CD4: variants seen among roughly 807,000 people sequenced by gnomAD.
CD4 encodes the protein CD4 molecule.
A neutral mutation model predicts 50.5 loss-of-function variants in CD4; 25 were observed. The ratio of observed to expected loss-of-function variants is 0.49; its 90% CI spans 0.36 to 0.69. The LOEUF is 0.69. Ranked by LOEUF, CD4 falls within the 30% of genes least tolerant of loss-of-function variation. The pLI is 0.00. For synonymous variants in CD4, 207 were observed against 221.9 expected, an observed-to-expected ratio of 0.93 and a Z score of 0.60; for missense variants, 456 against 548.5, an observed-to-expected ratio of 0.83 and a Z score of 1.68.
rs2137827174 is a variant in CD4 at position 6,792,077 on chromosome 12, AG to A, written c.-68+2419del. 1.3e-5 allele frequency among the ~76,000 whole-genome samples: 2 copies of A among 152,228 alleles called. No homozygotes were observed. The highest frequency in any genetic ancestry group is 4.8e-5 in the African/African-American group (2 of 41,542). ...GCCACCAACCACAAGAGTTCCTTAGAGGGGTCACAGTCTCTAGGAAGTTTAT... is the reference window on the plus strand; with the variant it reads ...GCCACCAACCACAAGAGTTCCTTAGAGGGTCACAGTCTCTAGGAAGTTTAT... On this transcript the variant is annotated intron_variant, in intron 1 of 9. Transcript: ENST00000011653. This position sits in a 1 kb window ranked among gnomAD's most constrained non-coding sequence, Gnocchi z 4.1.
In CD4 at chr12:6,816,709, CCTGT is replaced by C. The variant is rs1943091967; in HGVS notation, c.955+309_955+312del. On this transcript the variant is annotated intron_variant, in intron 6 of 9. Coordinates refer to ENST00000011653, the MANE Select transcript of CD4 (RefSeq NM_000616.5). The surrounding 1 kb of genome is among the most constrained non-coding windows in gnomAD (Gnocchi z 4.9). ...CTCCCACTGCAGGCCTGCTTCCTGA[CCTGT>C]CTAATAAGGATAATGAAATCTGCTC... is the stretch of plus-strand genomic sequence containing the variant. 6.6e-6 allele frequency among the ~76,000 whole-genome samples: 1 copy of C among 152,176 alleles called. No individual in the cohort carries two copies. The highest frequency in any genetic ancestry group is 1.5e-5 in the Non-Finnish European group (1 of 68,024).
At chr12:6,807,243 A>T (rs2137888406) in intron 3 of CD4, among the ~76,000 whole-genome samples, 1 of 152,318 alleles carries the variant, frequency 6.6e-6, no homozygotes, top group South Asian at 2.1e-4. Context: ...ATCCTAGAGC[A>T]ATGAAGACTT....
intron 3 of CD4, among the ~76,000 whole-genome samples, chr12:6,809,955 T>G (rs1942889099): frequency 6.7e-6 from 1 of 149,308 alleles, no homozygotes; most frequent in Non-Finnish European, 1.5e-5. Context: ...AGTGGCGCGA[T>G]CTCGGCTCAC....
In CD4 at chr12:6,816,494, G is replaced by A. The variant is rs782621627; in HGVS notation, c.955+91G>A. ...CTCTGAGGCAAGCCAGGCCCCAAGA[G>A]GGGATGCCTAGGCCCTGGTCACCTG... On this transcript the variant is annotated intron_variant, in intron 6 of 9. Transcript: ENST00000011653. The surrounding 1 kb of genome is among the most constrained non-coding windows in gnomAD (Gnocchi z 4.9). 7 of 1,088,934 alleles carry A rather than the reference G, an allele frequency of 6.4e-6. No homozygotes were observed. The highest frequency in any genetic ancestry group is 2.8e-5 in the Admixed American group (1 of 35,726). The allele number at this position is 1,088,934 out of a possible 1,614,324, so 67.5% of individuals were successfully genotyped here.
In CD4 at chr12:6,817,163, T is replaced by C. The variant is rs1555118061; in HGVS notation, c.989T>C (p.Val330Ala). 1 of 1,613,990 alleles carries C rather than the reference T, an allele frequency of 6.2e-7. No individual in the cohort carries two copies. Among genetic ancestry groups the C allele is most frequent in the Non-Finnish European group, 8.5e-7 (1 of 1,179,922 alleles). ...CTCCAGAAAAATTTGACCTGTGAGG[T>C]GTGGGGACCCACCTCCCCTAAGCTG... is the stretch of plus-strand genomic sequence containing the variant. The part of the protein sequence containing the change: ...TQLQKNLTCE[V>A]WGPTSPKLML... The change falls in exon 7 of 10, where the codon GTG becomes GCG. Residue 330 changes from valine to alanine, a missense_variant. Val to Ala is a moderately conservative substitution (Grantham distance 64). Transcript: ENST00000011653.
intron 5 of CD4, 135 bp from the exon 6 acceptor site, chr12:6,815,921 A>G (rs1943070943): frequency 6.6e-7 from 1 of 1,522,144 alleles, no homozygotes; most frequent in Non-Finnish European, 8.8e-7. Context: ...GAACTGAAGT[A>G]TCTGAAGTGA....
chr12:6,801,224 T>TA lies in CD4; in HGVS notation c.214+764dup, dbSNP rs782659953. 2.1e-3 allele frequency among the ~76,000 whole-genome samples: 300 copies of TA among 140,370 alleles called. 4 individuals are homozygous for TA. The highest frequency in any genetic ancestry group is 0.016 in the Admixed American group (231 of 14,034). 92.1% of individuals were successfully genotyped at this position (140,370 alleles called of 152,430 possible). On this transcript the variant is annotated intron_variant, in intron 3 of 9. Coordinates refer to ENST00000011653, the MANE Select transcript of CD4 (RefSeq NM_000616.5). ...CCTAGCCAAAAAAAATTTTTTTAAT[T>TA]AAAAAAAAAAAGGCCGGCTGTAGTG...
intron 3 of CD4, among the ~76,000 whole-genome samples, chr12:6,802,152 G>T (rs943147330): frequency 1.3e-5 from 2 of 152,064 alleles, no homozygotes; most frequent in South Asian, 2.1e-4. Flanking sequence ...GGGATTACAG[G>T]CATGAGCTAC....
At position 6,814,816 on chromosome 12, in the gene CD4, A is replaced by G. The variant is rs993168756; in HGVS notation, c.431A>G (p.Glu144Gly). 1.2e-6 allele frequency: 2 copies of G among 1,613,568 alleles called. No homozygotes were observed. The highest frequency in any genetic ancestry group is 1.7e-6 in the Non-Finnish European group (2 of 1,179,764). ...LQGQSLTLTLESPPGSSPSVQ... is the reference protein window; with the variant it reads ...LQGQSLTLTLGSPPGSSPSVQ... ...GGGCAGAGCCTGACCCTGACCTTGG[A>G]GAGCCCCCCTGGTAGTAGCCCCTCA... The change falls in exon 5 of 10, where the codon GAG (glutamate) becomes GGG (glycine). Residue 144 changes from glutamate to glycine, a missense_variant. Transcript: ENST00000011653.
At chr12:6,812,361 C>T (rs1259447794) in intron 3 of CD4, among the ~76,000 whole-genome samples, 2 of 152,030 alleles carry the variant, frequency 1.3e-5, no homozygotes, top group South Asian at 2.1e-4. Flanking sequence ...ATCGAACACT[C>T]GACTCCATAA....
intron 3 of CD4, among the ~76,000 whole-genome samples, chr12:6,812,339 C>T (rs1466857460): frequency 6.6e-6 from 1 of 152,096 alleles, no homozygotes; most frequent in African/African-American, 2.4e-5. Flanking sequence ...GCAGAGGTTA[C>T]AATGAGCAGA....
chr12:6,808,079 CAAAAAAAAA>C (rs34876182), intron 3 of CD4, among the ~76,000 whole-genome samples: 1 of 70,148 alleles, frequency 1.4e-5, no homozygotes, highest in African/African-American at 4.5e-5. Flanking sequence ...GGCTCTTTCT[CAAAAAAAAA>C]AAAAAAAAAA....
Position 6,798,389 on chromosome 12 carries a change from G to A in CD4, c.-67-1683G>A, listed in dbSNP as rs1211784081. On this transcript the variant is annotated intron_variant, in intron 1 of 9. Coordinates refer to ENST00000011653, the MANE Select transcript of CD4 (RefSeq NM_000616.5). Reference sequence around the variant, plus strand: ...GGGTTTCACCGTGTTCACCAGGATGGTCTCGATCTCCTGACCTCATGATCC... The same window carrying A: ...GGGTTTCACCGTGTTCACCAGGATGATCTCGATCTCCTGACCTCATGATCC... Among the ~76,000 whole-genome samples, 2 of 96,724 alleles carry A rather than the reference G, an allele frequency of 2.1e-5. 1 individual carries two copies. Among genetic ancestry groups the A allele is most frequent in the Non-Finnish European group, 5.0e-5 (2 of 39,734 alleles). 63.5% of individuals were successfully genotyped at this position (96,724 alleles called of 152,430 possible). A position where few individuals can be genotyped will look rare whatever the true frequency, so the allele number is the denominator to read the frequency against.
chr12:6,801,329 C>G (rs1942538668), intron 3 of CD4, among the ~76,000 whole-genome samples: 1 of 149,594 alleles, frequency 6.7e-6, no homozygotes, highest in Non-Finnish European at 1.5e-5. Flanking sequence ...CCAGTCTGGC[C>G]AACATGGTGA....
Position 6,792,488 on chromosome 12 carries a change from G to A in CD4, c.-68+2826G>A, listed in dbSNP as rs1002285359. Among the ~76,000 whole-genome samples, 2 of 152,108 alleles carry A rather than the reference G, an allele frequency of 1.3e-5. No homozygotes were observed. Among genetic ancestry groups the A allele is most frequent in the African/African-American group, 4.8e-5 (2 of 41,388 alleles). ...TTGTGTGTGATTGTGGATTGTGTGT[G>A]CATAGCTGTTGCTTTAACAAGCTGC... On this transcript the variant is annotated intron_variant, in intron 1 of 9. Transcript: ENST00000011653. This position sits in a 1 kb window ranked among gnomAD's most constrained non-coding sequence, Gnocchi z 4.1.
chr12:6,808,227 G>C (rs1261410625), intron 3 of CD4, among the ~76,000 whole-genome samples: 63 of 134,188 alleles, frequency 4.7e-4, no homozygotes, highest in Non-Finnish European at 7.9e-4. Context: ...GGCCAAGGCG[G>C]GTGGATCACG....
chr12:6,792,512 G>A lies in CD4; in HGVS notation c.-68+2850G>A, dbSNP rs569530534. On this transcript the variant is annotated intron_variant, in intron 1 of 9. Coordinates refer to ENST00000011653, the MANE Select transcript of CD4 (RefSeq NM_000616.5). The surrounding 1 kb of genome is among the most constrained non-coding windows in gnomAD (Gnocchi z 4.1). ...TGCATAGCTGTTGCTTTAACAAGCT[G>A]CTCCAGGTCTCTCTCTCCCACATCT... Among the ~76,000 whole-genome samples the A allele has an allele frequency of 4.4e-4, 67 of 152,218 alleles. No homozygotes were observed. The South Asian group carries it at 0.013, about 31-fold the overall frequency.
chr12:6,817,937 A>C (rs1555118284), intron 7 of CD4, among the ~76,000 whole-genome samples: 1 of 151,630 alleles, frequency 6.6e-6, no homozygotes, highest in African/African-American at 2.4e-5. Context: ...ACACTCACAC[A>C]CTTATACACT....
chr12:6,809,072 C>T (rs868983544), intron 3 of CD4, among the ~76,000 whole-genome samples: 1 of 152,192 alleles, frequency 6.6e-6, no homozygotes, highest in South Asian at 2.1e-4. Flanking sequence ...TTCCCAACTT[C>T]CTGATTTCTA....
Sources: allele counts gnomAD v4.1 joint callset (sites outside exome capture counted in the v4.1 genomes callset), GRCh38; gene constraint gnomAD v4.1.1; non-coding constraint Gnocchi (gnomAD v3.1); transcripts MANE v1.5; gene names NCBI Gene and HGNC (gene_info 2026-07-23, HGNC 2026-07-21).